ARHGEF33: variants seen among roughly 807,000 people sequenced by gnomAD.
ARHGEF33 encodes the protein Rho guanine nucleotide exchange factor 33, also known as DH and coiled-coil domain-containing protein ENSP00000381780.
Under a neutral mutation model 101.9 loss-of-function variants are expected in ARHGEF33, and 72 were observed. The observed-to-expected ratio is 0.71, with a 90% CI of 0.58 to 0.86. ARHGEF33 has a LOEUF of 0.86. Ranked by LOEUF, ARHGEF33 falls within the 40% of genes least tolerant of loss-of-function variation. The probability of loss-of-function intolerance (pLI) is 0.00; values close to 1 mark genes in which losing one functional copy is unlikely to be tolerated. For missense variants in ARHGEF33, 1,169 were observed against 1,111.3 expected (o/e 1.05, Z -0.74); for synonymous variants, 499 against 442.5 (o/e 1.13, Z -1.60).
intron 9 of ARHGEF33, among the ~76,000 whole-genome samples, chr2:38,938,184 G>A (rs978956095): frequency 6.6e-6 from 1 of 152,104 alleles, no homozygotes; most frequent in Non-Finnish European, 1.5e-5. Flanking sequence ...GGGGGCATGG[G>A]GGAGGGAGAA....
intron 11 of ARHGEF33, 71 bp from the exon 12 acceptor site, chr2:38,953,091 T>C: frequency 1.3e-6 from 1 of 747,484 alleles, no homozygotes; most frequent in Non-Finnish European, 2.4e-6. Flanking sequence ...CTTTTACATA[T>C]ATGACTCTAT....
At chr2:38,961,577 G>C (rs1667940586) in intron 16 of ARHGEF33, among the ~76,000 whole-genome samples, 1 of 152,128 alleles carries the variant, frequency 6.6e-6, no homozygotes, top group South Asian at 2.1e-4. Context: ...ATTTTCGAAT[G>C]GAAACAGTGA....
At chr2:38,899,716 C>A (rs1558422349) in intron 2 of ARHGEF33, among the ~76,000 whole-genome samples, 1 of 152,086 alleles carries the variant, frequency 6.6e-6, no homozygotes, top group Admixed American at 6.6e-5. Flanking sequence ...GTTCTCACCA[C>A]AACAATGACA....
rs911671321 is a variant in ARHGEF33, at chr2:38,960,590, C to G, written c.2285C>G (p.Thr762Ser). The change falls in exon 16 of 18, where the codon ACC (threonine) becomes AGC (serine). Residue 762 changes from threonine to serine, a missense_variant. Thr to Ser is a moderately conservative substitution (Grantham distance 58). Transcript: ENST00000409978. ...GTCGCCGCCCGCGGCGCATCCAGGA[C>G]CTTCTTCCCCCAACAGAGGTCCCAA... Reference protein sequence around the residue: ...AAVAARGASRTFFPQQRSQSE... With the variant: ...AAVAARGASRSFFPQQRSQSE... 2 of 1,393,492 alleles carry G rather than the reference C, an allele frequency of 1.4e-6. No homozygotes were observed. The highest frequency in any genetic ancestry group is 3.0e-5 in the African/African-American group (2 of 65,666). The allele number at this position is 1,393,492 out of a possible 1,614,324, so 86.3% of individuals were successfully genotyped here.
intron 2 of ARHGEF33, among the ~76,000 whole-genome samples, chr2:38,898,889 G>T (rs933749230): frequency 2.6e-5 from 4 of 152,088 alleles, no homozygotes; most frequent in Non-Finnish European, 5.9e-5. Context: ...GAAATACAAA[G>T]AATCATTTGG....
rs190125118 is a variant in ARHGEF33 at position 38,902,309 on chromosome 2, A to C, written c.-86+6460A>C. 1.7e-3 allele frequency among the ~76,000 whole-genome samples: 266 copies of C among 152,316 alleles called. 1 individual carries two copies. The highest frequency in any genetic ancestry group is 3.3e-3 in the Non-Finnish European group (227 of 68,030). ...TGAGGTTGATATATTTGGGCAAGGC[A>C]TCTGACCTGACAGCCATTTTATACC... On this transcript the variant is annotated intron_variant, in intron 2 of 17. Transcript: ENST00000409978.
At chr2:38,954,217 T>A (rs980055361) in intron 12 of ARHGEF33, among the ~76,000 whole-genome samples, 156 bp from the exon 13 acceptor site, 1 of 152,246 alleles carries the variant, frequency 6.6e-6, no homozygotes, top group African/African-American at 2.4e-5. Flanking sequence ...TCCCTGAACA[T>A]GTGGCCTCTC....
Position 38,960,260 on chromosome 2 carries a change from T to C in ARHGEF33, c.1955T>C (p.Leu652Pro). The C allele has an allele frequency of 1.3e-6, 2 of 1,548,074 alleles. No homozygotes were observed. The highest frequency in any genetic ancestry group is 1.7e-6 in the Non-Finnish European group (2 of 1,146,232). The change falls in exon 16 of 18, where the codon CTG becomes CCG. Residue 652 changes from leucine (L) to proline (P), a missense_variant. Transcript: ENST00000409978. Reference protein sequence around the residue: ...NCSPASSESSLDICFLRPVSF... With the variant: ...NCSPASSESSPDICFLRPVSF... ...TCGCCTGCCTCCTCCGAGTCCAGCC[T>C]GGACATCTGCTTCCTGCGGCCCGTC...
intron 13 of ARHGEF33, among the ~76,000 whole-genome samples, 177 bp from the exon 14 acceptor site, chr2:38,956,722 T>C (rs1223067631): frequency 2.0e-5 from 3 of 152,232 alleles, no homozygotes; most frequent in African/African-American, 7.2e-5. Context: ...GTTGGTATGA[T>C]AGAGAGCAGC....
At chr2:38,911,427 CT>C (rs1226673925) in intron 2 of ARHGEF33, among the ~76,000 whole-genome samples, 2 of 152,174 alleles carry the variant, frequency 1.3e-5, no homozygotes, top group Non-Finnish European at 2.9e-5. Flanking sequence ...AAGTGCCAAA[CT>C]TTCCTTTTCT....
chr2:38,929,055 C>A lies in ARHGEF33; in HGVS notation c.224C>A (p.Ser75Ter). 6.5e-7 allele frequency: 1 copy of A among 1,549,774 alleles called. No individual in the cohort carries two copies. Among genetic ancestry groups the A allele is most frequent in the South Asian group, 1.2e-5 (1 of 83,676 alleles). ...MEEKVTEMKN[S>*]LNYFKEELSN... ...GAAAAAGTTACTGAGATGAAGAATTCATTAAACTATTTCAAGGTAGGCCTC... is the reference window on the plus strand; with the variant it reads ...GAAAAAGTTACTGAGATGAAGAATTAATTAAACTATTTCAAGGTAGGCCTC... The change falls in exon 5 of 18, where the codon TCA becomes TAA. Residue 75 changes from serine (S) to a stop codon, truncating the protein, a stop_gained. Transcript: ENST00000409978. LOFTEE classifies it high-confidence loss of function.
At chr2:38,968,227 G>A (rs1015830495) in intron 17 of ARHGEF33, among the ~76,000 whole-genome samples, 2 of 152,170 alleles carry the variant, frequency 1.3e-5, no homozygotes, top group African/African-American at 2.4e-5. Flanking sequence ...GCGTGGAACT[G>A]GAGCTGGCTG....
intron 1 of ARHGEF33, among the ~76,000 whole-genome samples, chr2:38,891,747 A>G (rs953390281): frequency 2.0e-5 from 3 of 151,106 alleles, no homozygotes; most frequent in African/African-American, 7.3e-5. Context: ...CACAATTTAC[A>G]TGAGTGTGAA....
At chr2:38,962,072 A>G (rs1359053262) in intron 16 of ARHGEF33, among the ~76,000 whole-genome samples, 1 of 152,204 alleles carries the variant, frequency 6.6e-6, no homozygotes, top group African/African-American at 2.4e-5. Flanking sequence ...AAAACATGTA[A>G]TAGTGTGCTC....
chr2:38,950,800 T>C (rs1667581117), intron 10 of ARHGEF33, among the ~76,000 whole-genome samples, 189 bp from the exon 11 acceptor site: 1 of 152,178 alleles, frequency 6.6e-6, no homozygotes, highest in African/African-American at 2.4e-5. Flanking sequence ...TTTGTTTTGT[T>C]TTGTTTTTCT....
At chr2:38,938,534 A>AG (rs1192492260) in intron 9 of ARHGEF33, among the ~76,000 whole-genome samples, 1 of 152,204 alleles carries the variant, frequency 6.6e-6, no homozygotes, top group Non-Finnish European at 1.5e-5. Flanking sequence ...ACAAGACCCT[A>AG]ACTCAAAAAA....
chr2:38,969,745 G>A (rs1402073760), intron 17 of ARHGEF33: 1 of 152,222 alleles, frequency 6.6e-6, no homozygotes, highest in East Asian at 1.9e-4. Flanking sequence ...GAAATGTTAA[G>A]TGATTTTACA....
chr2:38,925,689 C>G lies in ARHGEF33; in HGVS notation c.76-3218C>G, dbSNP rs1666854797. On this transcript the variant is annotated intron_variant, in intron 4 of 17. Transcript: ENST00000409978. Reference sequence around the variant, plus strand: ...CAGTGACCCTGGTTTAGGGGGAAACCAAAGCAATTACCTTCGCCTCCTTGC... The same window carrying G: ...CAGTGACCCTGGTTTAGGGGGAAACGAAAGCAATTACCTTCGCCTCCTTGC... 2.0e-5 allele frequency among the ~76,000 whole-genome samples: 3 copies of G among 152,118 alleles called. No individual in the cohort carries two copies. In the South Asian group the frequency reaches 6.2e-4, roughly 31 times the overall value.
At chr2:38,941,844 C>T (rs1166732309) in intron 9 of ARHGEF33, among the ~76,000 whole-genome samples, 1 of 152,040 alleles carries the variant, frequency 6.6e-6, no homozygotes, top group Non-Finnish European at 1.5e-5. Context: ...TGTGCCCAGC[C>T]CGTTACCTGA....
Sources: gnomAD v4.1 joint callset for allele counts (sites outside exome capture counted in the v4.1 genomes callset) on GRCh38, gnomAD v4.1.1 for gene constraint, MANE v1.5 for transcripts, NCBI Gene and HGNC (gene_info 2026-07-23, HGNC 2026-07-21) for gene names.